The following PRKCZ variants were observed in gnomAD, a reference collection of about 807,000 sequenced individuals.
PRKCZ encodes protein kinase C zeta.
PRKCZ carries 33 observed loss-of-function variants against 79.5 expected under a neutral mutation model. The ratio of observed to expected loss-of-function variants is 0.41; its 90% CI spans 0.31 to 0.55. The LOEUF (loss-of-function observed/expected upper bound fraction) is 0.55. Among genes scored for constraint, PRKCZ ranks in the 20% least tolerant of loss-of-function variants. The probability of loss-of-function intolerance (pLI) is 0.19; values close to 1 mark genes in which losing one functional copy is unlikely to be tolerated. For synonymous variants in PRKCZ, 342 were observed against 320.9 expected (o/e 1.07, Z -0.70); for missense variants, 578 against 813.5 (o/e 0.71, Z 3.52).
At chr1:2,108,993 C>T (rs1452057400) in intron 4 of PRKCZ, among the ~76,000 whole-genome samples, 1 of 152,194 alleles carries the variant, frequency 6.6e-6, no homozygotes, top group Non-Finnish European at 1.5e-5. Flanking sequence ...TGAGTCACCC[C>T]AGCCTCTGCC....
At chr1:2,130,297 G>C (rs1042225948) in intron 4 of PRKCZ, among the ~76,000 whole-genome samples, 5 of 152,224 alleles carry the variant, frequency 3.3e-5, no homozygotes, top group Non-Finnish European at 7.3e-5. Context: ...GACTGGCATG[G>C]ACCCCATGGG....
Position 2,185,202 on chromosome 1 carries a change from G to T in PRKCZ, c.*193G>T, listed in dbSNP as rs1572080754. ...GTCCCTCACACCTGGGCCCGGGCAG[G>T]CCAGCTTCGTGCTGGAGGAACTTGC... On this transcript the variant is annotated 3_prime_UTR_variant, in exon 18 of 18. Transcript: ENST00000378567. The T allele has an allele frequency of 2.8e-6, 2 of 707,930 alleles. No homozygotes were observed. Among genetic ancestry groups the T allele is most frequent in the East Asian group, 5.4e-5 (2 of 37,150 alleles). The allele number at this position is 707,930 out of a possible 1,614,324, so 43.9% of individuals were successfully genotyped here.
At position 2,172,194 on chromosome 1, in the gene PRKCZ, C is replaced by T. The variant is rs371229010; in HGVS notation, c.1197+4C>T. 2.2e-5 allele frequency: 36 copies of T among 1,613,060 alleles called. No homozygotes were observed. The highest frequency in any genetic ancestry group is 1.8e-4 in the Admixed American group (11 of 59,978). On this transcript the variant is annotated splice_donor_region_variant and intron_variant, in intron 12 of 17. Coordinates refer to ENST00000378567, the MANE Select transcript of PRKCZ (RefSeq NM_002744.6). This position sits in a 1 kb window ranked among gnomAD's most constrained non-coding sequence, Gnocchi z 7.8. ...CACAGACTACGGCATGTGCAAGGTG[C>T]GTGCCTTGGACCGCCTCCCCTGACC...
intron 8 of PRKCZ, among the ~76,000 whole-genome samples, chr1:2,150,182 A>AT (rs1553165809): frequency 2.7e-5 from 4 of 150,790 alleles, no homozygotes; most frequent in Non-Finnish European, 1.5e-5. Context: ...AAAAAAAAAA[A>AT]GCAGAATCCA....
chr1:2,140,378 C>T (rs528251084), intron 5 of PRKCZ, among the ~76,000 whole-genome samples: 102 of 152,172 alleles, frequency 6.7e-4, no homozygotes, highest in African/African-American at 2.3e-3. Flanking sequence ...GGAGGCCGGG[C>T]GCGGTGGCTC....
rs1266452701 is a variant in PRKCZ, at chr1:2,123,855, T to C, written c.335-11407T>C. 6.6e-4 allele frequency among the ~76,000 whole-genome samples: 5 copies of C among 7,582 alleles called. 1 individual carries two copies. The highest frequency in any genetic ancestry group is 9.6e-4 in the African/African-American group (1 of 1,038). 5.0% of individuals were successfully genotyped at this position (7,582 alleles called of 152,430 possible). A position where few individuals can be genotyped will look rare whatever the true frequency, so the allele number is the denominator to read the frequency against. On this transcript the variant is annotated intron_variant, in intron 4 of 17. Transcript: ENST00000378567. ...GTCACGGTGGTGGTTAGGGTTGTGG[T>C]GGTTAGGGTCACGGTGGCGGTTAGG...
chr1:2,119,223 T>G (rs1296299504), intron 4 of PRKCZ, among the ~76,000 whole-genome samples: 1 of 149,458 alleles, frequency 6.7e-6, no homozygotes, highest in Admixed American at 6.6e-5. Context: ...CTTTTTTTTT[T>G]TTTTTTTTGA....
chr1:2,103,712 A>G (rs1442085090), intron 4 of PRKCZ, among the ~76,000 whole-genome samples: 1 of 152,224 alleles, frequency 6.6e-6, no homozygotes, highest in African/African-American at 2.4e-5. Context: ...GGCCTGGGCA[A>G]CAGAGAAAGA....
intron 7 of PRKCZ, among the ~76,000 whole-genome samples, chr1:2,148,527 TC>T (rs1679189677): frequency 6.6e-6 from 1 of 152,184 alleles, no homozygotes; most frequent in Non-Finnish European, 1.5e-5. Flanking sequence ...CCTCCATTCA[TC>T]CCCCATCTAG....
At chr1:2,098,761 G>A (rs550352081) in intron 4 of PRKCZ, among the ~76,000 whole-genome samples, 4 of 152,002 alleles carry the variant, frequency 2.6e-5, no homozygotes, top group Admixed American at 1.3e-4. Flanking sequence ...GGCTCACTGC[G>A]AGCTCCACCT....
intron 4 of PRKCZ, among the ~76,000 whole-genome samples, chr1:2,107,372 C>T (rs779494624): frequency 6.6e-6 from 1 of 152,254 alleles, no homozygotes; most frequent in Non-Finnish European, 1.5e-5. Flanking sequence ...TCCTGAGACC[C>T]CTCAGTGGAT....
chr1:2,181,869 A>AGGGGGC (rs1025584794), intron 16 of PRKCZ: 4 of 456,526 alleles, frequency 8.8e-6, no homozygotes, highest in Middle Eastern at 3.3e-4. Flanking sequence ...TGATGAATGA[A>AGGGGGC]GGGGGCATCT....
Position 2,082,753 on chromosome 1 carries a change from G to T in PRKCZ, c.334+23162G>T, listed in dbSNP as rs1350350114. Among the ~76,000 whole-genome samples the T allele has an allele frequency of 6.6e-6, 1 of 151,660 alleles. No individual in the cohort carries two copies. The highest frequency in any genetic ancestry group is 2.4e-5 in the African/African-American group (1 of 41,298). ...CCTGGTTCCATTTGTTTTTTTGCCTGAGCGTCCGGGGGTGGCTTTGAGGAC... is the reference window on the plus strand; with the variant it reads ...CCTGGTTCCATTTGTTTTTTTGCCTTAGCGTCCGGGGGTGGCTTTGAGGAC... On this transcript the variant is annotated intron_variant, in intron 4 of 17. Transcript: ENST00000378567. The surrounding 1 kb of genome is among the most constrained non-coding windows in gnomAD (Gnocchi z 4.4).
intron 1 of PRKCZ, 93 bp from the exon 2 acceptor site, chr1:2,055,348 A>G (rs1660067009): frequency 6.9e-7 from 1 of 1,449,762 alleles, no homozygotes; most frequent in African/African-American, 1.4e-5. Flanking sequence ...AGTTTCATTT[A>G]TCTAATCAAT....
At chr1:2,072,161 T>G (rs1661656681) in intron 4 of PRKCZ, among the ~76,000 whole-genome samples, 2 of 152,196 alleles carry the variant, frequency 1.3e-5, no homozygotes, top group Non-Finnish European at 2.9e-5. Context: ...ATGCAGCTGG[T>G]CAGCCGCCTG....
rs991086999 is a variant in PRKCZ at position 2,128,728 on chromosome 1, C to T, written c.335-6534C>T. Among the ~76,000 whole-genome samples, 3 of 152,168 alleles carry T rather than the reference C, an allele frequency of 2.0e-5. No homozygotes were observed. Among genetic ancestry groups the T allele is most frequent in the Admixed American group, 6.5e-5 (1 of 15,274 alleles). On this transcript the variant is annotated intron_variant, in intron 4 of 17. Transcript: ENST00000378567. This position sits in a 1 kb window ranked among gnomAD's most constrained non-coding sequence, Gnocchi z 6.5. Reference sequence around the variant, plus strand: ...CCAGCTCTGACTCCAAAGCCTGACCCGTGTGGCTGCACCGTCCACTGTGCG... The same window carrying T: ...CCAGCTCTGACTCCAAAGCCTGACCTGTGTGGCTGCACCGTCCACTGTGCG...
rs185675786 is a variant in PRKCZ, at chr1:2,053,251, C to T, written c.72-2190C>T. On this transcript the variant is annotated intron_variant, in intron 1 of 17. Coordinates refer to ENST00000378567, the MANE Select transcript of PRKCZ (RefSeq NM_002744.6). ...TAGTATCTAGGACTACAGACGCCCG[C>T]CACCACGCCCGGTTAACTTTTGTAG... Among the ~76,000 whole-genome samples, 211 of 152,270 alleles carry T rather than the reference C, an allele frequency of 1.4e-3. 2 individuals carry two copies. The highest frequency in any genetic ancestry group is 4.8e-3 in the African/African-American group (199 of 41,550).
chr1:2,126,291 C>G (rs1229790107), intron 4 of PRKCZ, among the ~76,000 whole-genome samples: 2 of 152,128 alleles, frequency 1.3e-5, no homozygotes, highest in African/African-American at 2.4e-5. Flanking sequence ...TGTTGGTGGC[C>G]TTGGAGGGCT....
chr1:2,184,458 A>G, intron 16 of PRKCZ, 125 bp from the exon 17 acceptor site: 1 of 673,910 alleles, frequency 1.5e-6, no homozygotes, highest in East Asian at 2.8e-5. Flanking sequence ...GCAGTCAAAT[A>G]CTAGGCAGAT....
Sources: gnomAD v4.1 joint callset for allele counts (sites outside exome capture counted in the v4.1 genomes callset) on GRCh38, gnomAD v4.1.1 for gene constraint, Gnocchi (gnomAD v3.1) non-coding constraint, MANE v1.5 for transcripts, NCBI Gene and HGNC (gene_info 2026-07-23, HGNC 2026-07-21) for gene names.